The following BET1 variants were observed in gnomAD, a reference collection of about 807,000 sequenced individuals.
BET1 encodes the protein Bet1 golgi vesicular membrane trafficking protein.
Under a neutral mutation model 13.9 loss-of-function variants are expected in BET1, and 9 were observed. That is an observed-to-expected ratio of 0.65 (90% CI 0.39 to 1.13). The LOEUF is 1.13. BET1 is among the 50% of genes most tolerant of loss of function. The pLI, the probability that BET1 is intolerant of heterozygous loss-of-function variation, is 0.01. For synonymous variants in BET1, 39 were observed against 47.3 expected (o/e 0.82, Z 0.72); for missense variants, 127 against 133.6 (o/e 0.95, Z 0.24).
At chr7:93,988,109 T>A (rs376940399) in intron 4 of BET1, among the ~76,000 whole-genome samples, 4 of 152,170 alleles carry the variant, frequency 2.6e-5, no homozygotes, top group African/African-American at 9.7e-5. Context: ...TAAAAAGATA[T>A]GTTCTCTAGC....
rs78093048 is a variant in BET1 at position 93,986,192 on chromosome 7, G to A, written c.235+8160C>T. 6.6e-4 allele frequency among the ~76,000 whole-genome samples: 100 copies of A among 152,252 alleles called. 2 individuals carry two copies. The East Asian group carries it at 0.017, about 26-fold the overall frequency. On this transcript the variant is annotated intron_variant and NMD_transcript_variant, in intron 4 of 6. Transcript: ENST00000357520. ...ATCTCTCAATTATACCTGTGAACAT[G>A]TGCAGGACAGAAACTTGAATTTATA...
intron 5 of BET1, among the ~76,000 whole-genome samples, chr7:93,973,320 G>GA (rs544492173): frequency 8.9e-4 from 135 of 152,008 alleles, no homozygotes; most frequent in African/African-American, 3.1e-3. Context: ...CTGTTGAGCA[G>GA]AATTGAACAG....
intron 4 of BET1, among the ~76,000 whole-genome samples, chr7:93,976,981 T>C (rs932643075): frequency 6.6e-6 from 1 of 152,154 alleles, no homozygotes; most frequent in African/African-American, 2.4e-5. Context: ...TCTGACTCCA[T>C]CCAGGTTCCT....
At chr7:93,991,663 G>A, downstream of BET1, 3 of 336,146 alleles carry the variant, frequency 8.9e-6, no homozygotes, top group Non-Finnish European at 1.3e-5. Flanking sequence ...CAGAGAAACT[G>A]AGATGGAGAG....
At chr7:93,984,130 GT>G (rs1795480630) in intron 4 of BET1, among the ~76,000 whole-genome samples, 1 of 152,134 alleles carries the variant, frequency 6.6e-6, no homozygotes, top group Admixed American at 6.6e-5. Context: ...CTAGCTTCAG[GT>G]GGTTGCTGGC....
downstream of BET1, among the ~76,000 whole-genome samples, chr7:93,989,389 C>CT (rs1183145407): frequency 7.2e-5 from 11 of 151,810 alleles, no homozygotes; most frequent in South Asian, 2.1e-4. Flanking sequence ...TTTGTAGTTT[C>CT]TTTTTTAAAA....
intron 3 of BET1, among the ~76,000 whole-genome samples, 198 bp from the exon 4 acceptor site, chr7:93,994,583 T>C (rs902742076): frequency 6.6e-6 from 1 of 152,218 alleles, no homozygotes; most frequent in African/African-American, 2.4e-5. Flanking sequence ...TCTCAGCGAA[T>C]AAAAAGCTCT....
chr7:93,967,805 C>A (rs1228662077), intron 6 of BET1, among the ~76,000 whole-genome samples: 1 of 151,692 alleles, frequency 6.6e-6, no homozygotes, highest in African/African-American at 2.4e-5. Flanking sequence ...GAATCCAGTT[C>A]TATTTGTGAC....
chr7:93,988,203 A>G (rs909577733), intron 4 of BET1, among the ~76,000 whole-genome samples: 3 of 152,224 alleles, frequency 2.0e-5, no homozygotes, highest in African/African-American at 7.2e-5. Context: ...AATGGAAAAC[A>G]CAGGTGTTTA....
chr7:94,002,479 G>GA (rs943853071), intron 1 of BET1, among the ~76,000 whole-genome samples: 14 of 136,422 alleles, frequency 1.0e-4, no homozygotes, highest in Middle Eastern at 3.8e-3. Context: ...AAAAAAGAAA[G>GA]AAAAAAAAAG....
chr7:93,999,098 A>AAT, intron 2 of BET1, 72 bp downstream of exon 2: 1 of 1,210,666 alleles, frequency 8.3e-7, no homozygotes. Flanking sequence ...CGTCAATAAG[A>AAT]ATATATAGTT....
chr7:93,999,900 A>C (rs1316598952), intron 1 of BET1, among the ~76,000 whole-genome samples: 1 of 152,174 alleles, frequency 6.6e-6, no homozygotes, highest in African/African-American at 2.4e-5. Flanking sequence ...TATTTGAAGA[A>C]TTACCATGTA....
At chr7:93,975,002 C>A (rs1795314453) in intron 5 of BET1, among the ~76,000 whole-genome samples, 1 of 151,882 alleles carries the variant, frequency 6.6e-6, no homozygotes, top group Non-Finnish European at 1.5e-5. Context: ...GCCAAAAATG[C>A]ATAATCTCAA....
exon 7 of BET1, chr7:93,964,834 C>CG (rs1282059149): frequency 6.6e-6 from 1 of 151,970 alleles, no homozygotes; most frequent in African/African-American, 2.4e-5. Flanking sequence ...CAGATGCTGG[C>CG]GGGGCTGCAG....
chr7:93,974,027 C>A (rs1193820145), intron 5 of BET1, among the ~76,000 whole-genome samples: 1 of 151,656 alleles, frequency 6.6e-6, no homozygotes, highest in East Asian at 1.9e-4. Flanking sequence ...ATTTCAGAAG[C>A]TATTTTCTTT....
chr7:93,990,664 GT>G (rs1795615624), downstream of BET1, among the ~76,000 whole-genome samples: 1 of 152,172 alleles, frequency 6.6e-6, no homozygotes, highest in Middle Eastern at 3.4e-3. Flanking sequence ...AATTAGCAAA[GT>G]CAAAAGAAAA....
intron 1 of BET1, 139 bp downstream of exon 1, chr7:94,004,059 C>T (rs1020045347): frequency 1.7e-5 from 21 of 1,250,630 alleles, no homozygotes; most frequent in Non-Finnish European, 4.6e-6. Context: ...TTCCACTCGA[C>T]ATGGACCCCA....
At chr7:93,974,045 A>G (rs1795300001) in intron 5 of BET1, among the ~76,000 whole-genome samples, 1 of 151,966 alleles carries the variant, frequency 6.6e-6, no homozygotes, top group Admixed American at 6.6e-5. Flanking sequence ...TTTGTATGCT[A>G]GGGTTGAAAA....
intron 1 of BET1, among the ~76,000 whole-genome samples, chr7:94,002,955 T>G (rs1397849472): frequency 6.6e-6 from 1 of 152,184 alleles, no homozygotes; most frequent in Non-Finnish European, 1.5e-5. Context: ...TATGTAGAAC[T>G]TATCTGGTAT....
Sources: gnomAD v4.1 joint callset for allele counts (sites outside exome capture counted in the v4.1 genomes callset) on GRCh38, gnomAD v4.1.1 for gene constraint, MANE v1.5 for transcripts, NCBI Gene and HGNC (gene_info 2026-07-23, HGNC 2026-07-21) for gene names.